Variants in CDT1 observed in about 807,000 individuals in gnomAD.
CDT1 encodes chromatin licensing and DNA replication factor 1.
Under a neutral mutation model 49.3 loss-of-function variants are expected in CDT1, and 66 were observed. The observed-to-expected ratio is 1.34, with a 90% confidence interval of 1.10 to 1.64. CDT1 has a LOEUF of 1.64. Ranked by LOEUF, CDT1 falls within the 40% of genes most tolerant of loss-of-function variation. The probability of loss-of-function intolerance (pLI) is 0.00; values close to 1 mark genes in which losing one functional copy is unlikely to be tolerated. For synonymous variants in CDT1, 424 were observed against 347.4 expected (o/e 1.22, Z -2.45); for missense variants, 958 against 807.7 (o/e 1.19, Z -2.26).
In CDT1 at chr16:88,803,990, GC is replaced by G. The variant is rs1418393165; in HGVS notation, c.162del (p.Ala55ProfsTer44). On this transcript the variant is annotated frameshift_variant, in exon 1 of 10. Coordinates refer to ENST00000301019, the MANE Select transcript of CDT1 (RefSeq NM_030928.4). LOFTEE classifies it high-confidence loss of function. The stretch of plus-strand genomic sequence containing the variant: ...GTGGCAGCCGCAAGCGCGCCCGCCC[GC>G]CCGCCGCCCCCGGACGCGACCAGGC... ...TSGSRKRARP[P>X]AAPGRDQARP... 2.1e-6 allele frequency: 3 copies of G among 1,445,812 alleles called. No individual in the cohort carries two copies. The highest frequency in any genetic ancestry group is 1.3e-5 in the South Asian group (1 of 74,690). 89.6% of individuals were successfully genotyped at this position (1,445,812 alleles called of 1,614,324 possible).
At position 88,804,733 on chromosome 16, in the gene CDT1, C is replaced by G. The variant is rs200651260; in HGVS notation, c.352-29C>G. ...GGTGCCGGCCTGCCTGCCTGCCTGA[C>G]GGCACCGTGTCCCCTGATCCCCCTG... On this transcript the variant is annotated intron_variant, in intron 2 of 9. Transcript: ENST00000301019. 1.7e-4 allele frequency: 272 copies of G among 1,612,752 alleles called. No homozygotes were observed. The Middle Eastern group carries it at 5.1e-3, about 30-fold the overall frequency.
rs151292317 is a variant in CDT1, at chr16:88,807,406, C to G, written c.1401C>G (p.Ser467=). Residue 467 remains serine (S), a synonymous_variant, in exon 9 of 10, where the codon TCC becomes TCG. Transcript: ENST00000301019. The part of the protein sequence containing the change: ...LARVLRSVFV[S]ERKPALSMEV... ...GCGTGCTGCGGAGCGTCTTTGTGTC[C>G]GAACGCAAGCCTGCGCTCAGCATGG... 6.2e-7 allele frequency: 1 copy of G among 1,612,912 alleles called. No homozygotes were observed. Among genetic ancestry groups the G allele is most frequent in the Non-Finnish European group, 8.5e-7 (1 of 1,179,994 alleles).
intron 9 of CDT1, 108 bp downstream of exon 9, chr16:88,807,590 A>G: frequency 2.6e-6 from 3 of 1,136,066 alleles, no homozygotes; most frequent in Non-Finnish European, 3.9e-6. Flanking sequence ...TGTTCTGTTC[A>G]GATGTGCAGT....
chr16:88,806,588 G>T lies in CDT1; in HGVS notation c.1036G>T (p.Ala346Ser). 6.2e-7 allele frequency: 1 copy of T among 1,608,148 alleles called. No homozygotes were observed. Among genetic ancestry groups the T allele is most frequent in the Non-Finnish European group, 8.5e-7 (1 of 1,177,992 alleles). The change falls in exon 7 of 10, where the codon GCC becomes TCC. Residue 346 changes from alanine to serine, a missense_variant. Ala to Ser is a moderately conservative substitution (Grantham distance 99). Transcript: ENST00000301019. Reference protein sequence around the residue: ...NVDEVPDIEPAALPQPPATEK... With the variant: ...NVDEVPDIEPSALPQPPATEK... ...GGATGAAGTACCCGACATCGAGCCG[G>T]CCGCGCTGCCCCAGCCACCCGCCAC...
Position 88,808,393 on chromosome 16 carries a change from A to G in CDT1, c.*115A>G. 1.6e-6 allele frequency: 2 copies of G among 1,247,572 alleles called. No individual in the cohort carries two copies. Among genetic ancestry groups the G allele is most frequent in the Non-Finnish European group, 2.2e-6 (2 of 906,472 alleles). The allele number at this position is 1,247,572 out of a possible 1,614,324, so 77.3% of individuals were successfully genotyped here. On this transcript the variant is annotated 3_prime_UTR_variant, in exon 10 of 10. Transcript: ENST00000301019. ...GGCCTTCCTTTCCCCAGCGCCCCTG[A>G]GGGCCAGAGGCAGATGTGGGCTGCA... is the stretch of plus-strand genomic sequence containing the variant.
chr16:88,805,318 C>G (rs1908808725), intron 3 of CDT1, 122 bp from the exon 4 acceptor site: 3 of 1,226,008 alleles, frequency 2.4e-6, no homozygotes, highest in Admixed American at 1.9e-5. Flanking sequence ...GCAAGGGCCG[C>G]GAAAGCCATC....
intron 9 of CDT1, among the ~76,000 whole-genome samples, 178 bp from the exon 10 acceptor site, chr16:88,807,937 G>T (rs1354016141): frequency 6.6e-6 from 1 of 152,208 alleles, no homozygotes; most frequent in Non-Finnish European, 1.5e-5. Flanking sequence ...TCCGGTCACT[G>T]TTCACACCAC....
intron 5 of CDT1, 34 bp downstream of exon 5, chr16:88,805,903 T>G (rs775218124): frequency 1.2e-6 from 2 of 1,610,052 alleles, no homozygotes; most frequent in South Asian, 2.2e-5. Flanking sequence ...GGTTTCCCCA[T>G]CTGTGAGCCG....
chr16:88,805,482 C>G lies in CDT1; in HGVS notation c.531C>G (p.Ala177=). Residue 177 remains alanine (A), a synonymous_variant, in exon 4 of 10, where the codon GCC becomes GCG. Transcript: ENST00000301019. ...CCTACCAGCGCTTCCATGCCCTGGC[C>G]CAGCCCGGCCTGCCGGGACTCGTGC... ...APAYQRFHAL[A]QPGLPGLVLP... The G allele has an allele frequency of 6.2e-7, 1 of 1,612,842 alleles. No homozygotes were observed. Among genetic ancestry groups the G allele is most frequent in the African/African-American group, 1.3e-5 (1 of 75,070 alleles).
intron 1 of CDT1, 135 bp from the exon 2 acceptor site, chr16:88,804,410 C>G (rs1908764758): frequency 8.6e-7 from 1 of 1,162,576 alleles, no homozygotes; most frequent in Non-Finnish European, 1.2e-6. Context: ...AGACCACCAT[C>G]TACGGGAAGT....
chr16:88,803,806 T>C lies in CDT1; in HGVS notation c.-26T>C. On this transcript the variant is annotated 5_prime_UTR_variant, in exon 1 of 10. Transcript: ENST00000301019. ...GCCTCTTCCTCCCTTCCTTCTTTCCTTGCTTTCGCCGCGCACTCCGCCGCC... is the reference window on the plus strand; with the variant it reads ...GCCTCTTCCTCCCTTCCTTCTTTCCCTGCTTTCGCCGCGCACTCCGCCGCC... 1 of 1,499,722 alleles carries C rather than the reference T, an allele frequency of 6.7e-7. No individual in the cohort carries two copies. Among genetic ancestry groups the C allele is most frequent in the Non-Finnish European group, 8.9e-7 (1 of 1,120,738 alleles). The allele number at this position is 1,499,722 out of a possible 1,614,324, so 92.9% of individuals were successfully genotyped here. A position where few individuals can be genotyped will look rare whatever the true frequency, so the allele number is the denominator to read the frequency against.
chr16:88,808,510 A>C lies in CDT1; in HGVS notation c.*232A>C, dbSNP rs1908959933. 1.7e-6 allele frequency: 1 copy of C among 571,732 alleles called. No homozygotes were observed. Among genetic ancestry groups the C allele is most frequent in the Non-Finnish European group, 3.1e-6 (1 of 323,496 alleles). The allele number at this position is 571,732 out of a possible 1,614,324, so 35.4% of individuals were successfully genotyped here. On this transcript the variant is annotated 3_prime_UTR_variant, in exon 10 of 10. Transcript: ENST00000301019. ...TCACATTAAACCGGTTTCTGTGGGC[A>C]CCTCTGTCCTTGCTGCTGGTGGGGA...
chr16:88,806,434 C>A, intron 6 of CDT1, 52 bp from the exon 7 acceptor site: 1 of 1,586,786 alleles, frequency 6.3e-7, no homozygotes, highest in Non-Finnish European at 8.6e-7. Flanking sequence ...CACATGCAGT[C>A]TGCCCTTGTC....
At chr16:88,804,740 G>A (rs1309754916) in intron 2 of CDT1, 22 bp from the exon 3 acceptor site, 9 of 1,612,676 alleles carry the variant, frequency 5.6e-6, no homozygotes, top group African/African-American at 1.3e-5. Flanking sequence ...TGACGGCACC[G>A]TGTCCCCTGA....
In CDT1 at chr16:88,806,134, C is replaced by T. The variant is rs3218722; in HGVS notation, c.933+13C>T. 113,216 of 1,576,550 alleles carry T rather than the reference C, an allele frequency of 0.072. 7,723 individuals carry two copies. The highest frequency in any genetic ancestry group is 0.35 in the African/African-American group (26,077 of 74,556). Reference sequence around the variant, plus strand: ...GGAGCACCACAAGGTGAGCGGCCCCCGGCCCCGCTGTGTGAAGATGGTGGC... The same window carrying T: ...GGAGCACCACAAGGTGAGCGGCCCCTGGCCCCGCTGTGTGAAGATGGTGGC... On this transcript the variant is annotated intron_variant, in intron 6 of 9. Transcript: ENST00000301019.
chr16:88,808,101 C>T lies in CDT1; in HGVS notation c.1478-14C>T, dbSNP rs767747578. The T allele has an allele frequency of 1.9e-6, 3 of 1,611,318 alleles. No individual in the cohort carries two copies. The highest frequency in any genetic ancestry group is 1.1e-5 in the South Asian group (1 of 90,674). Reference sequence around the variant, plus strand: ...GCCCAGCACCAGCCTCAGTGTCCTCCTCTCCTCCCCCAGGGGAAATGGAGA... The same window carrying T: ...GCCCAGCACCAGCCTCAGTGTCCTCTTCTCCTCCCCCAGGGGAAATGGAGA... On this transcript the variant is annotated splice_polypyrimidine_tract_variant and intron_variant, in intron 9 of 9. Coordinates refer to ENST00000301019, the MANE Select transcript of CDT1 (RefSeq NM_030928.4).
At chr16:88,805,348 C>A in intron 3 of CDT1, 92 bp from the exon 4 acceptor site, 1 of 1,447,548 alleles carries the variant, frequency 6.9e-7, no homozygotes, top group Non-Finnish European at 9.6e-7. Flanking sequence ...ATGGCAGGCC[C>A]CATCGGAGGG....
In CDT1 at chr16:88,807,465, G is replaced by T. The variant is rs1418258076; in HGVS notation, c.1460G>T (p.Cys487Phe). 6.2e-6 allele frequency: 10 copies of T among 1,613,110 alleles called. No homozygotes were observed. Among genetic ancestry groups the T allele is most frequent in the Admixed American group, 3.3e-5 (2 of 60,026 alleles). The change falls in exon 9 of 10, where the codon TGT (cysteine) becomes TTT (phenylalanine). Residue 487 changes from cysteine to phenylalanine, a missense_variant. Transcript: ENST00000301019. ...VACARMVGSC[C>F]TIMSPGEMEK... Reference sequence around the variant, plus strand: ...TGTGCCAGGATGGTGGGCAGCTGTTGTACTATCATGAGCCCTGGTACGTGC... The same window carrying T: ...TGTGCCAGGATGGTGGGCAGCTGTTTTACTATCATGAGCCCTGGTACGTGC...
At chr16:88,806,428 T>G (rs3218726) in intron 6 of CDT1, 58 bp from the exon 7 acceptor site, 1 of 1,577,370 alleles carries the variant, frequency 6.3e-7, no homozygotes, top group South Asian at 1.1e-5. Flanking sequence ...CTACCTCACA[T>G]GCAGTCTGCC....
Sources: allele counts gnomAD v4.1 joint callset (sites outside exome capture counted in the v4.1 genomes callset), GRCh38; gene constraint gnomAD v4.1.1; transcripts MANE v1.5; gene names NCBI Gene and HGNC (gene_info 2026-07-23, HGNC 2026-07-21).